The following EXOC5 variants were observed in gnomAD, a reference collection of about 807,000 sequenced individuals.
EXOC5 encodes the protein SEC10-like 1.
A neutral mutation model predicts 90.8 loss-of-function variants in EXOC5; 17 were observed. That is an observed-to-expected ratio of 0.19 (90% CI 0.13 to 0.28). The LOEUF (loss-of-function observed/expected upper bound fraction) is 0.28. Ranked by LOEUF, EXOC5 falls within the 10% of genes least tolerant of loss-of-function variation. The probability of loss-of-function intolerance (pLI) is 1.00; values close to 1 mark genes in which losing one functional copy is unlikely to be tolerated. For missense variants in EXOC5, 569 were observed against 830.6 expected, an observed-to-expected ratio of 0.69 and a Z score of 3.87; for synonymous variants, 260 against 270.0, an observed-to-expected ratio of 0.96 and a Z score of 0.36.
intron 1 of EXOC5, among the ~76,000 whole-genome samples, chr14:57,253,432 A>C (rs1226546557): frequency 6.6e-6 from 1 of 152,236 alleles, no homozygotes; most frequent in Non-Finnish European, 1.5e-5. Flanking sequence ...ACAAACTGGA[A>C]GACTTAATAT....
intron 14 of EXOC5, 102 bp downstream of exon 14, chr14:57,219,220 T>G (rs1883056566): frequency 1.7e-6 from 1 of 581,144 alleles, no homozygotes; most frequent in Non-Finnish European, 2.6e-6. Context: ...TGACATTTTT[T>G]GTGAAAATGT....
At position 57,208,637 on chromosome 14, in the gene EXOC5, G is replaced by C. The variant is rs749094410; in HGVS notation, c.2099C>G (p.Ser700Cys). ...GCTGAAGTGTCGAGCAAGGCGGGCA[G>C]ATCTATAATCAGCACGAAGTTGTAC... ...SFVQLRADYR[S>C]ARLARHFS Residue 700 changes from serine (S) to cysteine (C), a missense_variant, in exon 18 of 18, where the codon TCT becomes TGT. Physicochemically the swap from Ser to Cys is moderately radical, Grantham distance 112 (BLOSUM62 -1). Coordinates refer to ENST00000621441, the MANE Select transcript of EXOC5 (RefSeq NM_006544.4). 7 of 1,607,764 alleles carry C rather than the reference G, an allele frequency of 4.4e-6. No homozygotes were observed. The highest frequency in any genetic ancestry group is 6.0e-6 in the Non-Finnish European group (7 of 1,176,220).
At chr14:57,222,192 T>C (rs532916661) in intron 13 of EXOC5, 116 bp downstream of exon 13, 28 of 543,338 alleles carry the variant, frequency 5.2e-5, no homozygotes, top group African/African-American at 9.6e-5. Flanking sequence ...CAAACTTCAT[T>C]GCACCGAACT....
Position 57,232,686 on chromosome 14 carries a change from G to T in EXOC5, c.919C>A (p.Leu307Ile). ...KSDAEQYLKN[L>I]YDLYTRTTNL... is the part of the protein sequence containing the mutation. ...ATTTACCTTGTATACAGATCATAGA[G>T]ATTTTTGAGATATTGCTCTGCATCG... The change falls in exon 10 of 18, where the codon CTC becomes ATC. Residue 307 changes from leucine (L) to isoleucine (I), a missense_variant. Physicochemically the swap from Leu to Ile is conservative, Grantham distance 5. Transcript: ENST00000621441. The T allele has an allele frequency of 6.8e-7, 1 of 1,478,012 alleles. No homozygotes were observed. Among genetic ancestry groups the T allele is most frequent in the South Asian group, 1.2e-5 (1 of 80,742 alleles). The allele number at this position is 1,478,012 out of a possible 1,614,324, so 91.6% of individuals were successfully genotyped here. A position where few individuals can be genotyped will look rare whatever the true frequency, so the allele number is the denominator to read the frequency against.
At position 57,265,365 on chromosome 14, in the gene EXOC5, A is replaced by G. The variant is rs550943044; in HGVS notation, c.27+3257T>C. On this transcript the variant is annotated intron_variant, in intron 1 of 17. Coordinates refer to ENST00000621441, the MANE Select transcript of EXOC5 (RefSeq NM_006544.4). The stretch of plus-strand genomic sequence containing the variant: ...TTGAAGAATTATGGGGGAAAAAATT[A>G]AGCAAATGAGGAAAGAATGTCCTCA... Among the ~76,000 whole-genome samples, 3 of 152,286 alleles carry G rather than the reference A, an allele frequency of 2.0e-5. No individual in the cohort carries two copies. In the South Asian group the frequency reaches 6.2e-4, roughly 32 times the overall value.
At chr14:57,223,171 T>C (rs895550489) in intron 12 of EXOC5, among the ~76,000 whole-genome samples, 1 of 152,086 alleles carries the variant, frequency 6.6e-6, no homozygotes, top group Non-Finnish European at 1.5e-5. Context: ...TATTTGCACA[T>C]AGTGAGCTTA....
chr14:57,234,531 GTGTGTGTA>G (rs1340322019), intron 7 of EXOC5, among the ~76,000 whole-genome samples: 1 of 147,320 alleles, frequency 6.8e-6, no homozygotes, highest in Non-Finnish European at 1.5e-5. Context: ...GTGTGTGTGT[GTGTGTGTA>G]TATATATATA....
intron 1 of EXOC5, among the ~76,000 whole-genome samples, chr14:57,259,309 G>C (rs1472914084): frequency 6.6e-6 from 1 of 152,084 alleles, no homozygotes; most frequent in Non-Finnish European, 1.5e-5. Flanking sequence ...ATGTTGGCCA[G>C]GCTAGTCTCT....
intron 1 of EXOC5, among the ~76,000 whole-genome samples, chr14:57,251,311 G>A (rs1451852600): frequency 6.6e-6 from 1 of 152,192 alleles, no homozygotes; most frequent in Non-Finnish European, 1.5e-5. Context: ...TGAGATCCCT[G>A]CTCTGAGGGC....
At chr14:57,251,030 T>G (rs1884173086) in intron 1 of EXOC5, among the ~76,000 whole-genome samples, 1 of 152,052 alleles carries the variant, frequency 6.6e-6, no homozygotes, top group Non-Finnish European at 1.5e-5. Context: ...GATGGTGGAG[T>G]AAATCTGTCT....
At position 57,201,468 on chromosome 14, in the gene EXOC5, ATG is replaced by A. The variant is rs1192977973; in HGVS notation, c.*7139_*7140del. ...TGTGTATATATACACACGCGTGTAT[ATG>A]TACACACACGTGTATAAACACACGT... is the stretch of plus-strand genomic sequence containing the variant. On this transcript the variant is annotated 3_prime_UTR_variant, in exon 18 of 18. Transcript: ENST00000621441. 1.3e-4 allele frequency: 18 copies of A among 140,606 alleles called. No homozygotes were observed. Among genetic ancestry groups the A allele is most frequent in the African/African-American group, 4.2e-4 (14 of 33,246 alleles). The allele number at this position is 140,606 out of a possible 1,614,324, so 8.7% of individuals were successfully genotyped here. A position where few individuals can be genotyped will look rare whatever the true frequency, so the allele number is the denominator to read the frequency against.
At chr14:57,246,623 G>A (rs533045944) in intron 3 of EXOC5, 88 bp downstream of exon 3, 4 of 1,131,748 alleles carry the variant, frequency 3.5e-6, no homozygotes, top group Middle Eastern at 2.9e-4. Flanking sequence ...ACTATCATCT[G>A]ACTAGACTTT....
intron 12 of EXOC5, among the ~76,000 whole-genome samples, chr14:57,225,807 A>G (rs1883290124): frequency 1.3e-5 from 2 of 152,218 alleles, no homozygotes; most frequent in African/African-American, 2.4e-5. Context: ...GGGAGACATG[A>G]GACATCAATC....
intron 15 of EXOC5, among the ~76,000 whole-genome samples, chr14:57,210,719 C>A (rs1257015197): frequency 6.6e-6 from 1 of 152,136 alleles, no homozygotes; most frequent in Admixed American, 6.6e-5. Context: ...AATAAGCAAT[C>A]ATTTTCTTAT....
chr14:57,265,199 G>A (rs1429536658), intron 1 of EXOC5, among the ~76,000 whole-genome samples: 2 of 149,330 alleles, frequency 1.3e-5, no homozygotes, highest in Non-Finnish European at 3.0e-5. Flanking sequence ...TTTGAGACAT[G>A]CAGCCTCGTC....
chr14:57,266,569 C>T (rs1884673661), intron 1 of EXOC5, among the ~76,000 whole-genome samples: 1 of 151,972 alleles, frequency 6.6e-6, no homozygotes, highest in African/African-American at 2.4e-5. Flanking sequence ...TCTATAAATA[C>T]GTTTAAATTT....
intron 15 of EXOC5, among the ~76,000 whole-genome samples, chr14:57,217,088 T>G (rs1217796323): frequency 6.6e-6 from 1 of 152,168 alleles, no homozygotes; most frequent in Non-Finnish European, 1.5e-5. Context: ...GATGGCTCTT[T>G]TCAAAAAGGC....
intron 1 of EXOC5, among the ~76,000 whole-genome samples, chr14:57,251,092 G>A (rs1276790225): frequency 6.6e-6 from 1 of 152,188 alleles, no homozygotes; most frequent in East Asian, 1.9e-4. Context: ...TTGGAACTCT[G>A]TAGGCTAGTG....
chr14:57,262,730 T>C (rs1300711742), intron 1 of EXOC5, among the ~76,000 whole-genome samples: 2 of 148,808 alleles, frequency 1.3e-5, no homozygotes, highest in African/African-American at 4.9e-5. Context: ...TGTGTATATA[T>C]ACGTATATAT....
Sources: gnomAD v4.1 joint callset for allele counts (sites outside exome capture counted in the v4.1 genomes callset) on GRCh38, gnomAD v4.1.1 for gene constraint, MANE v1.5 for transcripts, NCBI Gene and HGNC (gene_info 2026-07-23, HGNC 2026-07-21) for gene names.